Variants in NEK11 observed in about 807,000 individuals in gnomAD.
The protein encoded by NEK11 is serine/threonine-protein kinase Nek11.
In NEK11, 72 loss-of-function variants were observed where a neutral mutation model predicts 80.7. That is an observed-to-expected ratio of 0.89 (90% CI 0.74 to 1.08). The LOEUF (loss-of-function observed/expected upper bound fraction) is 1.08, where lower values mean the gene tolerates loss of function less well. NEK11 is among the 50% of genes least tolerant of loss of function. The pLI is 0.00. For missense variants in NEK11, 764 were observed against 763.6 expected (o/e 1.00, Z -0.01); for synonymous variants, 251 against 260.7 (o/e 0.96, Z 0.36).
intron 3 of NEK11, among the ~76,000 whole-genome samples, chr3:131,050,964 T>G (rs909597893): frequency 6.6e-5 from 10 of 152,244 alleles, no homozygotes; most frequent in Non-Finnish European, 1.3e-4. Context: ...CCTGAGGTGG[T>G]CAAGGCTGCA....
intron 17 of NEK11, among the ~76,000 whole-genome samples, chr3:131,297,823 C>G (rs1686930915): frequency 6.6e-6 from 1 of 152,134 alleles, no homozygotes; most frequent in Non-Finnish European, 1.5e-5. Flanking sequence ...TTTAATCCAT[C>G]TTGAATTAAT....
At chr3:131,140,656 G>T (rs2086684077) in intron 7 of NEK11, among the ~76,000 whole-genome samples, 2 of 152,156 alleles carry the variant, frequency 1.3e-5, no homozygotes, top group South Asian at 4.1e-4. Context: ...TGACAATCTG[G>T]CAGTGTTTGT....
intron 14 of NEK11, among the ~76,000 whole-genome samples, chr3:131,188,309 T>A (rs2093669800): frequency 6.6e-6 from 1 of 152,210 alleles, no homozygotes; most frequent in Non-Finnish European, 1.5e-5. Flanking sequence ...TCTAAAAGAT[T>A]TATTATTAGA....
intron 16 of NEK11, among the ~76,000 whole-genome samples, chr3:131,253,420 A>G (rs545783851): frequency 6.6e-6 from 1 of 152,242 alleles, no homozygotes; most frequent in East Asian, 1.9e-4. Flanking sequence ...GAACAGAAAA[A>G]AAGTCCAGAA....
At chr3:131,348,157 A>G (rs975125719) in intron 17 of NEK11, among the ~76,000 whole-genome samples, 2 of 152,180 alleles carry the variant, frequency 1.3e-5, no homozygotes, top group Non-Finnish European at 2.9e-5. Flanking sequence ...GTGAACACAC[A>G]CATAATAGCC....
intron 17 of NEK11, among the ~76,000 whole-genome samples, chr3:131,297,454 T>C (rs1300614981): frequency 3.3e-5 from 5 of 152,046 alleles, no homozygotes; most frequent in Non-Finnish European, 7.4e-5. Flanking sequence ...GCTGCATAAA[T>C]GTCTTCTTTT....
At chr3:131,084,147 C>A (rs1239471080) in intron 4 of NEK11, among the ~76,000 whole-genome samples, 2 of 152,164 alleles carry the variant, frequency 1.3e-5, no homozygotes, top group Non-Finnish European at 2.9e-5. Context: ...CCACCCCAAT[C>A]CCAATCCCCT....
intron 4 of NEK11, among the ~76,000 whole-genome samples, chr3:131,089,935 C>T (rs375837392): frequency 3.3e-5 from 5 of 152,114 alleles, no homozygotes; most frequent in South Asian, 2.1e-4. Context: ...GAATTAATAA[C>T]GGAAGCTTTT....
rs542502823 is a variant in NEK11 at position 131,044,457 on chromosome 3, G to C, written c.170+14579G>C. On this transcript the variant is annotated intron_variant, in intron 3 of 17. Coordinates refer to ENST00000383366, the MANE Select transcript of NEK11 (RefSeq NM_024800.5). ...AAAAAAAAAAAAGGTGGGGGGGGGG[G>C]TTGGAATCCTAGTCTCTAGTCTCTG... Among the ~76,000 whole-genome samples, 1,091 of 131,790 alleles carry C rather than the reference G, an allele frequency of 8.3e-3. 12 individuals carry two copies. Among genetic ancestry groups the C allele is most frequent in the Non-Finnish European group, 0.014 (866 of 61,370 alleles). 86.5% of individuals were successfully genotyped at this position (131,790 alleles called of 152,430 possible).
At chr3:131,198,105 T>C (rs4117156) in intron 14 of NEK11, among the ~76,000 whole-genome samples, 67,101 of 151,992 alleles carry the variant, frequency 0.44, 16,978 homozygotes, top group Middle Eastern at 0.66. Flanking sequence ...TACCCTTTTT[T>C]CCTTCTCCTA....
At chr3:131,104,813 C>T (rs967155506) in intron 4 of NEK11, among the ~76,000 whole-genome samples, 3 of 152,296 alleles carry the variant, frequency 2.0e-5, no homozygotes, top group African/African-American at 7.2e-5. Flanking sequence ...CTGTGTCGAT[C>T]TGGAAGCCCA....
chr3:131,204,503 T>C (rs1405016025), intron 14 of NEK11, among the ~76,000 whole-genome samples: 8 of 152,106 alleles, frequency 5.3e-5, no homozygotes, highest in African/African-American at 1.9e-4. Flanking sequence ...GTGTCATAGA[T>C]AGATATTGTA....
At chr3:131,321,207 G>T (rs2096894069) in intron 17 of NEK11, among the ~76,000 whole-genome samples, 1 of 152,040 alleles carries the variant, frequency 6.6e-6, no homozygotes, top group Admixed American at 6.6e-5. Context: ...CACACCTACA[G>T]CTGTCTAATT....
chr3:131,158,925 C>G (rs2091144870), intron 10 of NEK11, among the ~76,000 whole-genome samples: 1 of 152,064 alleles, frequency 6.6e-6, no homozygotes. Flanking sequence ...ATAGGCCCCC[C>G]CAGCGCAATG....
intron 14 of NEK11, among the ~76,000 whole-genome samples, chr3:131,173,560 A>G (rs549095658): frequency 6.6e-6 from 1 of 150,754 alleles, no homozygotes; most frequent in East Asian, 1.9e-4. Context: ...CTTTCTATCT[A>G]GTATACCACC....
intron 3 of NEK11, among the ~76,000 whole-genome samples, chr3:131,034,051 T>A (rs2065261399): frequency 1.3e-5 from 2 of 152,236 alleles, no homozygotes; most frequent in South Asian, 4.1e-4. Context: ...TCTTATTCAT[T>A]TTATTTTATA....
intron 14 of NEK11, among the ~76,000 whole-genome samples, chr3:131,172,989 A>G (rs573671803): frequency 3.9e-5 from 6 of 152,318 alleles, no homozygotes; most frequent in African/African-American, 1.2e-4. Flanking sequence ...CAGTTTACAC[A>G]TGCCATGATG....
intron 14 of NEK11, among the ~76,000 whole-genome samples, chr3:131,197,617 A>C (rs2094070911): frequency 6.6e-6 from 1 of 152,122 alleles, no homozygotes; most frequent in Non-Finnish European, 1.5e-5. Context: ...GATGGGTACT[A>C]TCAATGCCTA....
intron 4 of NEK11, among the ~76,000 whole-genome samples, chr3:131,091,286 G>A (rs2076692160): frequency 6.6e-6 from 1 of 152,198 alleles, no homozygotes; most frequent in Non-Finnish European, 1.5e-5. Context: ...AGGCAATGGG[G>A]AGTTTGGCTA....
Sources: allele counts gnomAD v4.1 joint callset (sites outside exome capture counted in the v4.1 genomes callset), GRCh38; gene constraint gnomAD v4.1.1; transcripts MANE v1.5; gene names NCBI Gene and HGNC (gene_info 2026-07-23, HGNC 2026-07-21).